The following DHODH variants were observed in gnomAD, a reference collection of about 807,000 sequenced individuals.
The protein encoded by DHODH is dihydroorotate dehydrogenase (quinone), also known as dihydroorotate dehydrogenase (quinone), mitochondrial.
DHODH carries 30 observed loss-of-function variants against 39.7 expected under a neutral mutation model. The ratio of observed to expected loss-of-function variants is 0.76; its 90% CI spans 0.57 to 1.02. The LOEUF is 1.02. Ranked by LOEUF, DHODH falls within the 50% of genes least tolerant of loss-of-function variation. DHODH has a pLI of 0.00. For synonymous variants in DHODH, 222 were observed against 213.8 expected (o/e 1.04, Z -0.34); for missense variants, 531 against 520.8 (o/e 1.02, Z -0.19).
intron 4 of DHODH, chr16:72,020,373 T>TATATATATATGTGTATATATATATATATA (rs1273739362): frequency 1.8e-4 from 16 of 88,256 alleles, no homozygotes; most frequent in Non-Finnish European, 2.7e-4. Flanking sequence ...ATATATATAT[T>TATATATATATGTGTATATATATATATATA]TTTTTTTTTT....
chr16:72,023,049 C>A, intron 6 of DHODH, 116 bp from the exon 7 acceptor site: 1 of 987,144 alleles, frequency 1.0e-6, no homozygotes, highest in Non-Finnish European at 1.6e-6. Context: ...GTAGCTCTTG[C>A]TTTGGGGGCT....
chr16:72,009,010 C>T, intron 1 of DHODH: 1 of 1,446,562 alleles, frequency 6.9e-7, no homozygotes, highest in Non-Finnish European at 9.1e-7. Context: ...TGGGTGGGTG[C>T]TGATCTGAGT....
chr16:72,021,559 C>T (rs538331493), intron 5 of DHODH, among the ~76,000 whole-genome samples: 47 of 152,334 alleles, frequency 3.1e-4, no homozygotes, highest in African/African-American at 8.4e-4. Context: ...GCAGACACCA[C>T]GTCTCTCTCA....
Position 72,021,278 on chromosome 16 carries a change from G to C in DHODH, c.672G>C (p.Gln224His), listed in dbSNP as rs2041214098. The change falls in exon 5 of 9, where the codon CAG becomes CAC. Residue 224 changes from glutamine to histidine, a missense_variant. Coordinates refer to ENST00000219240, the MANE Select transcript of DHODH (RefSeq NM_001361.5). ...SPNTAGLRSL[Q>H]GKAELRRLLT... The stretch of plus-strand genomic sequence containing the variant: ...ACACTGCCGGGCTGCGGAGCCTTCA[G>C]GGAAAGGCCGAGCTGCGCCGCCTGC... The C allele has an allele frequency of 6.2e-7, 1 of 1,611,712 alleles. No homozygotes were observed. Among genetic ancestry groups the C allele is most frequent in the African/African-American group, 1.3e-5 (1 of 74,916 alleles).
intron 4 of DHODH, among the ~76,000 whole-genome samples, chr16:72,017,769 G>GTTTTTT (rs1567571747): frequency 1.4e-5 from 1 of 71,940 alleles, no homozygotes; most frequent in Non-Finnish European, 2.6e-5. Flanking sequence ...AAAACAACAT[G>GTTTTTT]CTTTTTTTTT....
chr16:72,019,753 A>G (rs894361484), intron 4 of DHODH, among the ~76,000 whole-genome samples: 19 of 152,170 alleles, frequency 1.2e-4, no homozygotes, highest in Non-Finnish European at 1.9e-4. Context: ...GATACAGGGT[A>G]CCCTCAGTTA....
chr16:72,017,749 A>C (rs970193221), intron 4 of DHODH, among the ~76,000 whole-genome samples: 1 of 151,188 alleles, frequency 6.6e-6, no homozygotes, highest in African/African-American at 2.4e-5. Context: ...CCATTTCTCT[A>C]AAAAAACCAA....
intron 3 of DHODH, 176 bp from the exon 4 acceptor site, chr16:72,016,848 G>A: frequency 1.5e-6 from 1 of 651,778 alleles, no homozygotes; most frequent in Non-Finnish European, 2.8e-6. Flanking sequence ...ATCTTTCCCT[G>A]GGTATTGGAT....
chr16:72,026,981 G>A lies in DHODH; in HGVS notation c.*2782G>A, dbSNP rs999278821. 1.4e-5 allele frequency: 2 copies of A among 143,802 alleles called. No homozygotes were observed. Among genetic ancestry groups the A allele is most frequent in the African/African-American group, 5.1e-5 (2 of 39,468 alleles). 8.9% of individuals were successfully genotyped at this position (143,802 alleles called of 1,614,324 possible). A position where few individuals can be genotyped will look rare whatever the true frequency, so the allele number is the denominator to read the frequency against. ...AATTTGTGTGTGTGTGTGTGTGTGT[G>A]TGTGTGTGTGTGTGTGTGTGTGTGT... On this transcript the variant is annotated 3_prime_UTR_variant, in exon 9 of 9. Coordinates refer to ENST00000219240, the MANE Select transcript of DHODH (RefSeq NM_001361.5).
At position 72,024,680 on chromosome 16, in the gene DHODH, C is replaced by T. The variant is rs973712892; in HGVS notation, c.*481C>T. ...AACTTTATTTTAAAAATATTTCAAA[C>T]ATAAGGGCGGGGTGTGGTGGCTCAT... is the stretch of plus-strand genomic sequence containing the variant. On this transcript the variant is annotated 3_prime_UTR_variant, in exon 9 of 9. Coordinates refer to ENST00000219240, the MANE Select transcript of DHODH (RefSeq NM_001361.5). The T allele has an allele frequency of 1.8e-5, 3 of 167,670 alleles. No homozygotes were observed. Among genetic ancestry groups the T allele is most frequent in the African/African-American group, 7.2e-5 (3 of 41,564 alleles). The allele number at this position is 167,670 out of a possible 1,614,324, so 10.4% of individuals were successfully genotyped here.
chr16:72,015,153 G>A (rs1024618331), intron 3 of DHODH, among the ~76,000 whole-genome samples: 6 of 152,266 alleles, frequency 3.9e-5, no homozygotes, highest in African/African-American at 1.4e-4. Context: ...AATGTTACAA[G>A]TATTTAAAAA....
At chr16:72,023,053 G>C in intron 6 of DHODH, 112 bp from the exon 7 acceptor site, 2 of 1,012,624 alleles carry the variant, frequency 2.0e-6, no homozygotes, top group Non-Finnish European at 3.0e-6. Flanking sequence ...CTCTTGCTTT[G>C]GGGGCTGTAG....
chr16:72,011,151 C>A (rs1319264416), intron 1 of DHODH, among the ~76,000 whole-genome samples: 1 of 152,054 alleles, frequency 6.6e-6, no homozygotes, highest in African/African-American at 2.4e-5. Context: ...GCTATGACTC[C>A]CCTAGTGAGA....
intron 2 of DHODH, among the ~76,000 whole-genome samples, chr16:72,012,677 TCA>T (rs2041097658): frequency 6.6e-6 from 1 of 152,206 alleles, no homozygotes; most frequent in Admixed American, 6.5e-5. Flanking sequence ...CGTGGGTAGC[TCA>T]GTCTTCCCCT....
At chr16:72,018,961 G>T (rs2041173452) in intron 4 of DHODH, among the ~76,000 whole-genome samples, 1 of 152,108 alleles carries the variant, frequency 6.6e-6, no homozygotes, top group African/African-American at 2.4e-5. Flanking sequence ...TTGTCTAATT[G>T]GATTCTTTGT....
intron 6 of DHODH, 127 bp from the exon 7 acceptor site, chr16:72,023,038 T>C (rs2041238147): frequency 2.3e-6 from 2 of 859,508 alleles, no homozygotes; most frequent in Non-Finnish European, 3.8e-6. Context: ...TGAGGTCTGG[T>C]GTAGCTCTTG....
intron 4 of DHODH, among the ~76,000 whole-genome samples, chr16:72,018,325 A>G (rs1297156958): frequency 6.6e-6 from 1 of 152,126 alleles, no homozygotes; most frequent in Non-Finnish European, 1.5e-5. Flanking sequence ...ACCAATGGAT[A>G]TGGGATTCAT....
intron 6 of DHODH, 137 bp downstream of exon 6, chr16:72,022,612 G>C (rs1469608624): frequency 1.3e-6 from 1 of 744,192 alleles, no homozygotes; most frequent in Non-Finnish European, 2.3e-6. Context: ...GTGTGTCATG[G>C]TGTAACTCAC....
chr16:72,013,949 C>G (rs1445711232), intron 2 of DHODH, among the ~76,000 whole-genome samples: 1 of 152,196 alleles, frequency 6.6e-6, no homozygotes, highest in Non-Finnish European at 1.5e-5. Flanking sequence ...CTCTGGTTCC[C>G]CGTGGGAGGC....
Sources: allele counts gnomAD v4.1 joint callset (sites outside exome capture counted in the v4.1 genomes callset), GRCh38; gene constraint gnomAD v4.1.1; transcripts MANE v1.5; gene names NCBI Gene and HGNC (gene_info 2026-07-23, HGNC 2026-07-21).